Variants in LINGO2 observed in about 807,000 individuals in gnomAD.
The protein encoded by LINGO2 is leucine rich repeat and Ig domain containing 2, also known as leucine-rich repeat and immunoglobulin-like domain-containing nogo receptor-interacting protein 2.
Under a neutral mutation model 30.6 loss-of-function variants are expected in LINGO2, and 14 were observed. The ratio of observed to expected loss-of-function variants is 0.46; its 90% CI spans 0.30 to 0.72. The LOEUF (loss-of-function observed/expected upper bound fraction) is 0.72. LINGO2 is among the 30% of genes least tolerant of loss of function. LINGO2 has a pLI of 0.07. For synonymous variants in LINGO2, 317 were observed against 288.5 expected, an observed-to-expected ratio of 1.10 and a Z score of -1.00; for missense variants, 729 against 751.7, an observed-to-expected ratio of 0.97 and a Z score of 0.35.
chr9:28,993,706 T>C, the LINGO2 span, among the ~76,000 whole-genome samples: 1 of 150,544 alleles, frequency 6.6e-6, no homozygotes, highest in Non-Finnish European at 1.5e-5. Flanking sequence ...GCAAGGCTGG[T>C]TCAATATACG....
chr9:28,531,902 A>C (rs2135430844), intron 1 of LINGO2, among the ~76,000 whole-genome samples: 1 of 152,284 alleles, frequency 6.6e-6, no homozygotes, highest in East Asian at 1.9e-4. Flanking sequence ...TTGTATTTGG[A>C]AAATATTATG....
At chr9:28,219,821 T>C (rs575487706) in intron 4 of LINGO2, among the ~76,000 whole-genome samples, 33 of 152,332 alleles carry the variant, frequency 2.2e-4, no homozygotes, top group Non-Finnish European at 4.6e-4. Flanking sequence ...CTACATACTA[T>C]GTTTTCCTCT....
At chr9:28,465,464 G>A (rs1825261503) in intron 2 of LINGO2, among the ~76,000 whole-genome samples, 1 of 152,140 alleles carries the variant, frequency 6.6e-6, no homozygotes, top group Non-Finnish European at 1.5e-5. Flanking sequence ...GCACAAGATA[G>A]GGGGCATGGT....
intron 1 of LINGO2, among the ~76,000 whole-genome samples, chr9:28,638,699 T>C (rs1827413447): frequency 6.6e-6 from 1 of 152,046 alleles, no homozygotes; most frequent in African/African-American, 2.4e-5. Flanking sequence ...ATCTATTTGA[T>C]CCTTCACTCT....
intron 3 of LINGO2, among the ~76,000 whole-genome samples, chr9:28,358,273 G>A (rs535090578): frequency 3.9e-5 from 6 of 152,064 alleles, no homozygotes; most frequent in Non-Finnish European, 7.4e-5. Flanking sequence ...TGAAGCCCAC[G>A]AAGTTAAGTT....
At chr9:28,679,099 G>A in the LINGO2 span, among the ~76,000 whole-genome samples, 15 of 152,092 alleles carry the variant, frequency 9.9e-5, no homozygotes, top group African/African-American at 3.6e-4. Context: ...AAAGATATTT[G>A]AGAAATGACT....
chr9:28,498,251 C>A (rs1212363445), intron 1 of LINGO2, among the ~76,000 whole-genome samples: 1 of 152,206 alleles, frequency 6.6e-6, no homozygotes, highest in Non-Finnish European at 1.5e-5. Flanking sequence ...GCCCTGCCCC[C>A]AGAGGTGGAG....
At chr9:29,153,010 T>C in the LINGO2 span, among the ~76,000 whole-genome samples, 18 of 152,094 alleles carry the variant, frequency 1.2e-4, no homozygotes. Flanking sequence ...TATATCTTTG[T>C]AGGCATACGA....
chr9:28,747,897 C>CA, the LINGO2 span, among the ~76,000 whole-genome samples: 1 of 152,036 alleles, frequency 6.6e-6, no homozygotes, highest in African/African-American at 2.4e-5. Flanking sequence ...CCTATAAACA[C>CA]AAAAGAAAAC....
At chr9:28,859,543 T>C in the LINGO2 span, among the ~76,000 whole-genome samples, 1 of 152,052 alleles carries the variant, frequency 6.6e-6, no homozygotes, top group African/African-American at 2.4e-5. Context: ...CATCTATTTA[T>C]CTTATTGTGA....
the LINGO2 span, among the ~76,000 whole-genome samples, chr9:29,147,435 A>G: frequency 6.6e-6 from 1 of 152,114 alleles, no homozygotes; most frequent in Non-Finnish European, 1.5e-5. Flanking sequence ...AATTTAGGAA[A>G]AGCATTCTCC....
chr9:28,442,785 A>T (rs1824251151), intron 2 of LINGO2, among the ~76,000 whole-genome samples: 3 of 152,116 alleles, frequency 2.0e-5, no homozygotes. Context: ...ACAGTTATAT[A>T]TATATATTCT....
At chr9:28,424,406 A>C (rs1823322024) in intron 2 of LINGO2, among the ~76,000 whole-genome samples, 2 of 152,140 alleles carry the variant, frequency 1.3e-5, no homozygotes, top group African/African-American at 4.8e-5. Context: ...TACCGTAGCC[A>C]ATAGCTAGAC....
At chr9:28,162,079 C>T (rs922879036) in intron 4 of LINGO2, among the ~76,000 whole-genome samples, 2 of 152,158 alleles carry the variant, frequency 1.3e-5, no homozygotes, top group South Asian at 2.1e-4. Flanking sequence ...AGCACAATTT[C>T]AATTAATTTC....
chr9:28,991,660 G>A, the LINGO2 span, among the ~76,000 whole-genome samples: 558 of 150,278 alleles, frequency 3.7e-3, 3 homozygotes, highest in African/African-American at 0.013. Flanking sequence ...GACTAACAGC[G>A]GATCTCTCGG....
chr9:28,027,191 C>T (rs1220193437), intron 4 of LINGO2, among the ~76,000 whole-genome samples: 1 of 152,144 alleles, frequency 6.6e-6, no homozygotes, highest in Non-Finnish European at 1.5e-5. Flanking sequence ...TTACTCTATG[C>T]CAGAATTCAT....
chr9:28,992,873 A>C, the LINGO2 span, among the ~76,000 whole-genome samples: 1 of 152,096 alleles, frequency 6.6e-6, no homozygotes, highest in South Asian at 2.1e-4. Context: ...CAGTGTGTAG[A>C]GGGAAATTTA....
Position 28,433,949 on chromosome 9 carries a change from C to CTATATATATATATATATA in LINGO2, c.-279+41973_-279+41990dup, listed in dbSNP as rs375073572. On this transcript the variant is annotated intron_variant, in intron 2 of 5. Transcript: ENST00000379992. ...TCTCTCTCTCTCTCTCTCTCTCTCT[C>CTATATATATATATATATA]TATATATATATATATATACACACAC... 1.1e-3 allele frequency among the ~76,000 whole-genome samples: 99 copies of CTATATATATATATATATA among 88,494 alleles called. 1 individual carries two copies. Among genetic ancestry groups the CTATATATATATATATATA allele is most frequent in the African/African-American group, 4.2e-3 (94 of 22,286 alleles). The allele number at this position is 88,494 out of a possible 152,430, so 58.1% of individuals were successfully genotyped here.
the LINGO2 span, among the ~76,000 whole-genome samples, chr9:29,059,814 A>G: frequency 6.6e-6 from 1 of 152,072 alleles, no homozygotes; most frequent in African/African-American, 2.4e-5. Context: ...AAAATGTCGT[A>G]GGCAGGGCAC....
Sources: allele counts gnomAD v4.1 joint callset (sites outside exome capture counted in the v4.1 genomes callset), GRCh38; gene constraint gnomAD v4.1.1; transcripts MANE v1.5; gene names NCBI Gene and HGNC (gene_info 2026-07-23, HGNC 2026-07-21).